Variants in COL24A1 observed in about 807,000 individuals in gnomAD.
COL24A1 encodes the protein collagen type XXIV alpha 1 chain, also known as collagen alpha-1(XXIV) chain.
A neutral mutation model predicts 253.9 loss-of-function variants in COL24A1; 224 were observed. The ratio of observed to expected loss-of-function variants is 0.88; its 90% CI spans 0.79 to 0.99. The LOEUF is 0.99. Among genes scored for constraint, COL24A1 ranks in the 50% least tolerant of loss-of-function variants. The probability of loss-of-function intolerance (pLI) is 0.00; values close to 1 mark genes in which losing one functional copy is unlikely to be tolerated. For synonymous variants in COL24A1, 685 were observed against 673.7 expected (o/e 1.02, Z -0.26); for missense variants, 2,131 against 2,068.5 (o/e 1.03, Z -0.59).
intron 39 of COL24A1, 47 bp from the exon 40 acceptor site, chr1:85,842,440 G>A: frequency 7.9e-7 from 1 of 1,259,584 alleles, no homozygotes; most frequent in South Asian, 1.3e-5. Flanking sequence ...GTAAAGAATT[G>A]TTTAAATCAT....
At chr1:85,784,476 AGGCACT>A in intron 48 of COL24A1, 110 bp from the exon 49 acceptor site, 1 of 711,016 alleles carries the variant, frequency 1.4e-6, no homozygotes, top group Non-Finnish European at 2.4e-6. Flanking sequence ...CATAAATACA[AGGCACT>A]GGGGAAATCA....
chr1:85,813,089 G>A (rs1672707177), intron 47 of COL24A1, among the ~76,000 whole-genome samples: 1 of 151,738 alleles, frequency 6.6e-6, no homozygotes, highest in African/African-American at 2.4e-5. Flanking sequence ...AGAGAGAGCT[G>A]ATATACCTAT....
At chr1:85,927,171 G>C (rs1388838458) in intron 24 of COL24A1, among the ~76,000 whole-genome samples, 1 of 152,132 alleles carries the variant, frequency 6.6e-6, no homozygotes, top group Non-Finnish European at 1.5e-5. Flanking sequence ...CTGAGGTACC[G>C]GGTTCATCTC....
At position 85,734,818 on chromosome 1, in the gene COL24A1, C is replaced by T. The variant is rs760078519; in HGVS notation, c.4929G>A (p.Lys1643=). Reference sequence around the variant, plus strand: ...CTTTAAAAATCTGGCCATTCCATCCCTTGAAACCAATAGGCAATCCTGGGC... The same window carrying T: ...CTTTAAAAATCTGGCCATTCCATCCTTTGAAACCAATAGGCAATCCTGGGC... ...TSGPGLPIGF[K]GWNGQIFKVN... is the part of the protein sequence containing the mutation. Residue 1643 remains lysine (K), a synonymous_variant, in exon 59 of 60, where the codon AAG becomes AAA. Coordinates refer to ENST00000370571, the MANE Select transcript of COL24A1 (RefSeq NM_152890.7). 5 of 1,614,152 alleles carry T rather than the reference C, an allele frequency of 3.1e-6. No homozygotes were observed. The highest frequency in any genetic ancestry group is 4.2e-6 in the Non-Finnish European group (5 of 1,180,028).
intron 38 of COL24A1, among the ~76,000 whole-genome samples, chr1:85,848,296 A>G (rs1677362636): frequency 6.6e-6 from 1 of 151,996 alleles, no homozygotes; most frequent in African/African-American, 2.4e-5. Flanking sequence ...TATTAGACAC[A>G]CTGACCTTTC....
chr1:86,077,752 A>C (rs1381446037), intron 7 of COL24A1, among the ~76,000 whole-genome samples: 1 of 151,260 alleles, frequency 6.6e-6, no homozygotes, highest in Non-Finnish European at 1.5e-5. Flanking sequence ...AAAACAAAAC[A>C]CTGCACGTTC....
At chr1:85,840,683 A>G (rs771560031) in intron 42 of COL24A1, among the ~76,000 whole-genome samples, 1 of 152,184 alleles carries the variant, frequency 6.6e-6, no homozygotes, top group East Asian at 1.9e-4. Flanking sequence ...AAATAAAGCT[A>G]TAATAGCTAC....
intron 23 of COL24A1, among the ~76,000 whole-genome samples, chr1:85,964,627 T>C (rs1057164514): frequency 1.3e-5 from 2 of 152,128 alleles, no homozygotes; most frequent in Non-Finnish European, 2.9e-5. Context: ...AGATCTGAAA[T>C]CATAAATGTT....
chr1:86,045,149 C>A (rs2101635247), intron 12 of COL24A1, among the ~76,000 whole-genome samples: 1 of 152,152 alleles, frequency 6.6e-6, no homozygotes, highest in East Asian at 1.9e-4. Context: ...ACCACCACAG[C>A]CAGCTAATTT....
In COL24A1 at chr1:85,875,283, A is replaced by T. The variant is rs1481002970; in HGVS notation, c.3078T>A (p.Gly1026=). The part of the protein sequence containing the change: ...EGESGLQGEP[G]AKGDVGTAGS... ...TTATTTTTTAGAAGGTTACCTTTGC[A>T]CCTGGTTCACCTTGCAGACCAGACT... Residue 1026 remains glycine, a synonymous_variant, in exon 34 of 60, where the codon GGT becomes GGA. Coordinates refer to ENST00000370571, the MANE Select transcript of COL24A1 (RefSeq NM_152890.7). The T allele has an allele frequency of 1.2e-6, 2 of 1,613,476 alleles. No homozygotes were observed. Among genetic ancestry groups the T allele is most frequent in the East Asian group, 2.2e-5 (1 of 44,878 alleles).
chr1:86,020,481 C>T (rs776644745), intron 18 of COL24A1, among the ~76,000 whole-genome samples: 80 of 152,026 alleles, frequency 5.3e-4, no homozygotes, highest in African/African-American at 2.9e-4. Context: ...GTCTCTCTAG[C>T]CAATGATTTT....
chr1:85,739,611 G>T (rs1296473303), intron 57 of COL24A1, among the ~76,000 whole-genome samples: 1 of 152,092 alleles, frequency 6.6e-6, no homozygotes, highest in Non-Finnish European at 1.5e-5. Flanking sequence ...TCATTCATTA[G>T]TTCCTCCTGG....
chr1:85,941,139 C>G (rs1688721684), intron 24 of COL24A1, among the ~76,000 whole-genome samples: 1 of 152,058 alleles, frequency 6.6e-6, no homozygotes, highest in Non-Finnish European at 1.5e-5. Context: ...TAATAACTAG[C>G]AGGAATGTTA....
chr1:86,115,514 A>T (rs1332481310), intron 3 of COL24A1, 136 bp from the exon 4 acceptor site: 2 of 759,774 alleles, frequency 2.6e-6, no homozygotes, highest in East Asian at 5.4e-5. Context: ...TTTAAGTAAC[A>T]CGAACCCCCT....
At chr1:86,010,715 T>C (rs1696409434) in intron 19 of COL24A1, among the ~76,000 whole-genome samples, 1 of 152,074 alleles carries the variant, frequency 6.6e-6, no homozygotes, top group Non-Finnish European at 1.5e-5. Flanking sequence ...TGTAGGAGAA[T>C]GATTGAATAA....
chr1:85,773,908 T>C (rs1364903438), intron 53 of COL24A1, among the ~76,000 whole-genome samples: 1 of 152,214 alleles, frequency 6.6e-6, no homozygotes, highest in Non-Finnish European at 1.5e-5. Context: ...CAACACCATG[T>C]TGACTAGGAG....
intron 32 of COL24A1, among the ~76,000 whole-genome samples, chr1:85,886,761 C>CT (rs985586538): frequency 2.6e-5 from 4 of 152,206 alleles, no homozygotes; most frequent in African/African-American, 9.6e-5. Context: ...TAATAACAAA[C>CT]TTTTCCTTGA....
At chr1:85,798,211 A>AAG (rs1671029924) in intron 47 of COL24A1, among the ~76,000 whole-genome samples, 1 of 151,344 alleles carries the variant, frequency 6.6e-6, no homozygotes, top group African/African-American at 2.4e-5. Flanking sequence ...AAAAAAAAAA[A>AAG]AAAAGTATGA....
chr1:85,939,902 T>C (rs1688582182), intron 24 of COL24A1, among the ~76,000 whole-genome samples: 1 of 152,026 alleles, frequency 6.6e-6, no homozygotes, highest in Non-Finnish European at 1.5e-5. Flanking sequence ...TAATTTCTTT[T>C]CTGGCATGAA....
Sources: gnomAD v4.1 joint callset for allele counts (sites outside exome capture counted in the v4.1 genomes callset) on GRCh38, gnomAD v4.1.1 for gene constraint, MANE v1.5 for transcripts, NCBI Gene and HGNC (gene_info 2026-07-23, HGNC 2026-07-21) for gene names.